Variants in BIRC6 observed in about 807,000 individuals in gnomAD.
The protein encoded by BIRC6 is dual E2 ubiquitin-conjugating enzyme/E3 ubiquitin-protein ligase BIRC6.
In BIRC6, 98 loss-of-function variants were observed where a neutral mutation model predicts 503.3. That is an observed-to-expected ratio of 0.19 (90% CI 0.17 to 0.23). The LOEUF (loss-of-function observed/expected upper bound fraction) is 0.23. Among genes scored for constraint, BIRC6 ranks in the 10% least tolerant of loss-of-function variants. The pLI is 1.00. For missense variants in BIRC6, 5,360 were observed against 5,806.0 expected, an observed-to-expected ratio of 0.92 and a Z score of 2.50; for synonymous variants, 2,240 against 2,078.7, an observed-to-expected ratio of 1.08 and a Z score of -2.11.
intron 73 of BIRC6, among the ~76,000 whole-genome samples, chr2:32,616,143 G>T (rs190078144): frequency 3.7e-4 from 57 of 152,228 alleles, no homozygotes; most frequent in African/African-American, 1.4e-3. Flanking sequence ...AAGTTCTAAT[G>T]ATAGGCTGGG....
intron 21 of BIRC6, among the ~76,000 whole-genome samples, chr2:32,446,574 G>A (rs951334213): frequency 1.3e-5 from 2 of 151,896 alleles, no homozygotes; most frequent in East Asian, 3.9e-4. Flanking sequence ...GATACCCCTC[G>A]CTTCAATCTG....
chr2:32,500,606 G>GTTTTTTTTTTT (rs758919928), intron 46 of BIRC6, among the ~76,000 whole-genome samples: 3 of 118,298 alleles, frequency 2.5e-5, no homozygotes, highest in Non-Finnish European at 5.1e-5. Flanking sequence ...TTTTGTTTTT[G>GTTTTTTTTTTT]TTTTTTTTTT....
chr2:32,616,177 T>A (rs2063224603), intron 73 of BIRC6, among the ~76,000 whole-genome samples: 1 of 152,206 alleles, frequency 6.6e-6, no homozygotes, highest in South Asian at 2.1e-4. Flanking sequence ...TCTTCTATGA[T>A]CTTTTTAACT....
chr2:32,536,672 T>G (rs535077287), intron 61 of BIRC6, among the ~76,000 whole-genome samples: 117 of 152,306 alleles, frequency 7.7e-4, no homozygotes, highest in African/African-American at 2.6e-3. Context: ...TGTATGTCTG[T>G]TTTGGTACCA....
chr2:32,618,035 C>G lies in BIRC6; in HGVS notation c.*131C>G. Reference sequence around the variant, plus strand: ...AACTATACTATGCCCTTAAGGAGATCCAGTTTAATTCAAGGTGATCTTTTA... The same window carrying G: ...AACTATACTATGCCCTTAAGGAGATGCAGTTTAATTCAAGGTGATCTTTTA... On this transcript the variant is annotated 3_prime_UTR_variant, in exon 74 of 74. Coordinates refer to ENST00000421745, the MANE Select transcript of BIRC6 (RefSeq NM_016252.4). The G allele has an allele frequency of 2.3e-6, 2 of 883,418 alleles. No individual in the cohort carries two copies. The highest frequency in any genetic ancestry group is 4.5e-5 in the South Asian group (2 of 44,078). The allele number at this position is 883,418 out of a possible 1,614,324, so 54.7% of individuals were successfully genotyped here. A position where few individuals can be genotyped will look rare whatever the true frequency, so the allele number is the denominator to read the frequency against.
rs375572398 is a variant in BIRC6 at position 32,455,129 on chromosome 2, A to G, written c.4753+1187A>G. Among the ~76,000 whole-genome samples, 17 of 152,212 alleles carry G rather than the reference A, an allele frequency of 1.1e-4. No individual in the cohort carries two copies. The South Asian group carries it at 2.9e-3, about 26-fold the overall frequency. ...CGCGGTGGCTCATGCCTGTAATCCCAGCACTTTGGGAGGCCAAGGTGGGCG... is the reference window on the plus strand; with the variant it reads ...CGCGGTGGCTCATGCCTGTAATCCCGGCACTTTGGGAGGCCAAGGTGGGCG... On this transcript the variant is annotated intron_variant, in intron 23 of 73. Coordinates refer to ENST00000421745, the MANE Select transcript of BIRC6 (RefSeq NM_016252.4).
At position 32,617,777 on chromosome 2, in the gene BIRC6, G is replaced by C. The variant is rs367781963; in HGVS notation, c.14447G>C (p.Gly4816Ala). ...EELLKLPCPE[G>A]LDPDTDDAPE... ...TTGCTGAAACTTCCCTGCCCTGAAG[G>C]CTTGGATCCTGACACTGACGATGCC... The change falls in exon 74 of 74, where the codon GGC becomes GCC. Residue 4816 changes from glycine to alanine, a missense_variant. Around this residue, in one of 16 missense-constraint regions of BIRC6, gnomAD observed 140 missense variants for 130.2 expected, o/e 1.07. Transcript: ENST00000421745. The C allele has an allele frequency of 4.6e-5, 74 of 1,613,980 alleles. 2 individuals carry two copies. In the South Asian group the frequency reaches 7.9e-4, roughly 17 times the overall value.
chr2:32,546,740 G>A (rs991252978), intron 63 of BIRC6, among the ~76,000 whole-genome samples: 3 of 151,956 alleles, frequency 2.0e-5, no homozygotes, highest in Non-Finnish European at 4.4e-5. Context: ...ACCAAAAATA[G>A]AAAATATCTA....
chr2:32,498,776 G>C (rs1411299660), intron 45 of BIRC6, among the ~76,000 whole-genome samples: 1 of 151,958 alleles, frequency 6.6e-6, no homozygotes. Context: ...AGTAGAGATG[G>C]GGTTTCGCCA....
At chr2:32,581,398 G>T (rs1488643568) in intron 66 of BIRC6, among the ~76,000 whole-genome samples, 1 of 152,154 alleles carries the variant, frequency 6.6e-6, no homozygotes, top group African/African-American at 2.4e-5. Context: ...GAAATTCTTT[G>T]TTAGAATGCA....
Position 32,478,704 on chromosome 2 carries a change from C to G in BIRC6, c.7138C>G (p.Leu2380Val). The change falls in exon 36 of 74, where the codon CTG becomes GTG. Residue 2380 changes from leucine to valine, a missense_variant. Physicochemically the swap from Leu to Val is conservative, Grantham distance 32. Transcript: ENST00000421745. ...HLCEIVNEPQLERLLLLLVGT... is the reference protein window; with the variant it reads ...HLCEIVNEPQVERLLLLLVGT... ...GTGTGAGATTGTGAACGAACCCCAG[C>G]TGGAAAGACTGCTGTTACTTTTGGT... The G allele has an allele frequency of 1.2e-6, 2 of 1,613,902 alleles. No individual in the cohort carries two copies. The highest frequency in any genetic ancestry group is 1.7e-6 in the Non-Finnish European group (2 of 1,179,854).
In BIRC6 at chr2:32,431,075, A is replaced by G; in HGVS notation, c.3233A>G (p.Lys1078Arg). The change falls in exon 12 of 74, where the codon AAA (lysine) becomes AGA (arginine). Residue 1078 changes from lysine to arginine, a missense_variant. By Grantham distance (26) the Lys-to-Arg change is conservative. Transcript: ENST00000421745. ...GDAAQHTRTW[K>R]LQTDSNSWDE... Reference sequence around the variant, plus strand: ...GCTGCTCAGCATACTCGAACTTGGAAACTACAGACCGACAGGTAAAAGATA... The same window carrying G: ...GCTGCTCAGCATACTCGAACTTGGAGACTACAGACCGACAGGTAAAAGATA... 6.2e-7 allele frequency: 1 copy of G among 1,611,920 alleles called. No homozygotes were observed. The highest frequency in any genetic ancestry group is 8.5e-7 in the Non-Finnish European group (1 of 1,178,524).
At chr2:32,433,552 G>C in intron 12 of BIRC6, 92 bp from the exon 13 acceptor site, 1 of 1,190,074 alleles carries the variant, frequency 8.4e-7, no homozygotes, top group Non-Finnish European at 1.1e-6. Flanking sequence ...AAGCTGCAAA[G>C]CAAAAAGTAG....
At chr2:32,517,108 A>C (rs982262919) in intron 55 of BIRC6, among the ~76,000 whole-genome samples, 119 of 152,252 alleles carry the variant, frequency 7.8e-4, no homozygotes, top group African/African-American at 2.7e-3. Context: ...AGGCGGGTGG[A>C]ACACTTGAGC....
intron 41 of BIRC6, 70 bp from the exon 42 acceptor site, chr2:32,488,518 T>G: frequency 7.8e-7 from 1 of 1,283,604 alleles, no homozygotes; most frequent in Non-Finnish European, 1.1e-6. Flanking sequence ...AAACATAAGA[T>G]TTTTGTTTAA....
In BIRC6 at chr2:32,587,262, C is replaced by T. The variant is rs186493947; in HGVS notation, c.13356-6653C>T. On this transcript the variant is annotated intron_variant, in intron 66 of 73. Transcript: ENST00000421745. ...ATTAGCTGGGAATGATGGTGCGCGC[C>T]TGTAGTCCCAGCTACTCGGGAGGCT... 1.2e-3 allele frequency among the ~76,000 whole-genome samples: 181 copies of T among 152,276 alleles called. 1 individual carries two copies. The highest frequency in any genetic ancestry group is 1.9e-3 in the Non-Finnish European group (126 of 68,024).
Position 32,544,252 on chromosome 2 carries a change from AAT to A in BIRC6, c.12592+715_12592+716del, listed in dbSNP as rs993216583. On this transcript the variant is annotated intron_variant, in intron 62 of 73. Coordinates refer to ENST00000421745, the MANE Select transcript of BIRC6 (RefSeq NM_016252.4). ...ATGTGTTAAGATTAGTGATGTGTTG[AAT>A]ATAGTTTTTTTCAGAAAATGAATCT... Among the ~76,000 whole-genome samples the A allele has an allele frequency of 5.8e-4, 88 of 152,140 alleles. 1 individual carries two copies. The highest frequency in any genetic ancestry group is 1.6e-4 in the Non-Finnish European group (11 of 68,000).
chr2:32,377,318 T>C (rs1008099539), intron 1 of BIRC6, among the ~76,000 whole-genome samples: 1 of 151,968 alleles, frequency 6.6e-6, no homozygotes, highest in African/African-American at 2.4e-5. Context: ...CCTATACTGT[T>C]GCTGTGTTTA....
At chr2:32,604,716 A>T (rs2062312776) in intron 71 of BIRC6, among the ~76,000 whole-genome samples, 1 of 152,100 alleles carries the variant, frequency 6.6e-6, no homozygotes, top group African/African-American at 2.4e-5. Flanking sequence ...GGTACACAAA[A>T]CACTCATTCT....
Sources: allele counts gnomAD v4.1 joint callset (sites outside exome capture counted in the v4.1 genomes callset), GRCh38; gene constraint gnomAD v4.1.1; regional missense constraint gnomAD v4.1.1; transcripts MANE v1.5; gene names NCBI Gene and HGNC (gene_info 2026-07-23, HGNC 2026-07-21).